Variants in PHKB observed in about 807,000 individuals in gnomAD.
PHKB encodes the protein phosphorylase kinase regulatory subunit beta, also known as phosphorylase b kinase regulatory subunit beta.
In PHKB, 122 loss-of-function variants were observed where a neutral mutation model predicts 152.1. The ratio of observed to expected loss-of-function variants is 0.80; its 90% CI spans 0.69 to 0.93. The LOEUF (loss-of-function observed/expected upper bound fraction) is 0.93. Ranked by LOEUF, PHKB falls within the 40% of genes least tolerant of loss-of-function variation. The pLI, the probability that PHKB is intolerant of heterozygous loss-of-function variation, is 0.00. For synonymous variants in PHKB, 436 were observed against 464.9 expected, an observed-to-expected ratio of 0.94 and a Z score of 0.80; for missense variants, 1,304 against 1,328.4, an observed-to-expected ratio of 0.98 and a Z score of 0.29.
chr16:47,626,806 A>G (rs540043533), intron 14 of PHKB, among the ~76,000 whole-genome samples: 1 of 152,310 alleles, frequency 6.6e-6, no homozygotes, highest in East Asian at 1.9e-4. Context: ...CATATAAAAT[A>G]GTTGTGCTGC....
At chr16:47,565,908 A>G in intron 7 of PHKB, 2 of 1,115,880 alleles carry the variant, frequency 1.8e-6, no homozygotes, top group Non-Finnish European at 1.3e-6. Flanking sequence ...CTTTAGATTC[A>G]GTTTGGGTCT....
At chr16:47,610,740 TGTTGGA>T in intron 13 of PHKB, 80 bp from the exon 14 acceptor site, 1 of 773,992 alleles carries the variant, frequency 1.3e-6, no homozygotes. Flanking sequence ...ATTCTTCTCT[TGTTGGA>T]GTATTTTCTA....
intron 14 of PHKB, among the ~76,000 whole-genome samples, chr16:47,617,380 G>A (rs2151712810): frequency 6.6e-6 from 1 of 151,702 alleles, no homozygotes; most frequent in Non-Finnish European, 1.5e-5. Context: ...TTGCCTCTAT[G>A]TATATGAAAA....
At chr16:47,526,034 C>T (rs967937792) in intron 6 of PHKB, among the ~76,000 whole-genome samples, 6 of 151,950 alleles carry the variant, frequency 3.9e-5, no homozygotes, top group African/African-American at 9.7e-5. Flanking sequence ...AGAGCTAATC[C>T]GGGAAGTGGT....
At chr16:47,536,138 G>A (rs890536067) in intron 6 of PHKB, among the ~76,000 whole-genome samples, 3 of 152,034 alleles carry the variant, frequency 2.0e-5, no homozygotes, top group South Asian at 2.1e-4. Flanking sequence ...AGCAACCTCC[G>A]GCTCCCGTGT....
At chr16:47,642,144 G>C (rs970406844) in intron 16 of PHKB, among the ~76,000 whole-genome samples, 1 of 151,322 alleles carries the variant, frequency 6.6e-6, no homozygotes, top group Non-Finnish European at 1.5e-5. Context: ...TTAGGTGTGA[G>C]AAGGTTTGTT....
At chr16:47,563,992 TTC>T (rs1597088735) in intron 7 of PHKB, among the ~76,000 whole-genome samples, 2 of 149,716 alleles carry the variant, frequency 1.3e-5, no homozygotes, top group African/African-American at 4.9e-5. Flanking sequence ...CATTATTTCA[TTC>T]TTTTTTTTTT....
At chr16:47,565,793 T>C in intron 7 of PHKB, 1 of 1,488,850 alleles carries the variant, frequency 6.7e-7, no homozygotes, top group African/African-American at 1.4e-5. Flanking sequence ...CTTCTCTTTC[T>C]CTAGCAGCTG....
chr16:47,585,182 G>T (rs781713370), intron 8 of PHKB, among the ~76,000 whole-genome samples: 7 of 152,188 alleles, frequency 4.6e-5, no homozygotes, highest in Non-Finnish European at 7.3e-5. Context: ...TTTAGGTGGA[G>T]TCAGGATATT....
intron 5 of PHKB, among the ~76,000 whole-genome samples, chr16:47,512,824 C>T (rs1248129294): frequency 6.6e-6 from 1 of 152,146 alleles, no homozygotes; most frequent in Non-Finnish European, 1.5e-5. Flanking sequence ...AACTATTCAT[C>T]TATTCCTTAC....
chr16:47,523,765 T>G (rs1026853755), intron 6 of PHKB, among the ~76,000 whole-genome samples: 7 of 152,204 alleles, frequency 4.6e-5, no homozygotes, highest in Non-Finnish European at 8.8e-5. Context: ...AACTGATTAT[T>G]TCCTTTATAT....
At chr16:47,548,477 C>A (rs906250737) in intron 7 of PHKB, among the ~76,000 whole-genome samples, 1 of 151,924 alleles carries the variant, frequency 6.6e-6, no homozygotes, top group South Asian at 2.1e-4. Flanking sequence ...CATGGTGGTG[C>A]GTGCCTGTAA....
chr16:47,666,852 T>C (rs1463009144), intron 25 of PHKB, among the ~76,000 whole-genome samples: 1 of 152,244 alleles, frequency 6.6e-6, no homozygotes, highest in Non-Finnish European at 1.5e-5. Flanking sequence ...GAATCATCCT[T>C]TGATTAGAAT....
intron 1 of PHKB, 134 bp from the exon 2 acceptor site, chr16:47,497,265 A>G (rs986269926): frequency 3.0e-6 from 2 of 658,462 alleles, no homozygotes; most frequent in Non-Finnish European, 2.7e-6. Flanking sequence ...AAGGTTTACA[A>G]GTAGTAAAGT....
chr16:47,491,839 G>T (rs557808219), intron 1 of PHKB, among the ~76,000 whole-genome samples: 1 of 152,166 alleles, frequency 6.6e-6, no homozygotes, highest in Non-Finnish European at 1.5e-5. Flanking sequence ...GCAAAATGGG[G>T]TATCTGGCGC....
rs563169802 is a variant in PHKB at position 47,502,118 on chromosome 16, C to T, written c.306-873C>T. 4.6e-5 allele frequency among the ~76,000 whole-genome samples: 7 copies of T among 152,168 alleles called. No individual in the cohort carries two copies. In the East Asian group the frequency reaches 1.4e-3, roughly 29 times the overall value. On this transcript the variant is annotated intron_variant, in intron 3 of 30. Transcript: ENST00000323584. ...TTAACTGGGAGGTAATTATAATATACTTTTTAAGGAGAGAAGTGATACTTT... is the reference window on the plus strand; with the variant it reads ...TTAACTGGGAGGTAATTATAATATATTTTTTAAGGAGAGAAGTGATACTTT...
At chr16:47,658,806 GAC>G (rs1482860978) in intron 20 of PHKB, among the ~76,000 whole-genome samples, 3 of 137,234 alleles carry the variant, frequency 2.2e-5, no homozygotes, top group African/African-American at 8.3e-5. Context: ...AGCAATGCAT[GAC>G]AGTGTGTGTG....
chr16:47,596,081 C>G lies in PHKB; in HGVS notation c.1205-292C>G, dbSNP rs999686121. ...TGGGGCCAGGTGGAGATAATTGAATCATGGGGGGCGGTTTCCCCCATACTG... is the reference window on the plus strand; with the variant it reads ...TGGGGCCAGGTGGAGATAATTGAATGATGGGGGGCGGTTTCCCCCATACTG... On this transcript the variant is annotated intron_variant, in intron 12 of 30. Transcript: ENST00000323584. Among the ~76,000 whole-genome samples, 5 of 152,140 alleles carry G rather than the reference C, an allele frequency of 3.3e-5. No homozygotes were observed. In the East Asian group the frequency reaches 9.6e-4, roughly 29 times the overall value.
chr16:47,666,285 T>C (rs1483041784), intron 25 of PHKB, among the ~76,000 whole-genome samples: 2 of 152,160 alleles, frequency 1.3e-5, no homozygotes, highest in Non-Finnish European at 1.5e-5. Context: ...TCAATGCAGA[T>C]GCTAATGTAG....
Sources: gnomAD v4.1 joint callset for allele counts (sites outside exome capture counted in the v4.1 genomes callset) on GRCh38, gnomAD v4.1.1 for gene constraint, MANE v1.5 for transcripts, NCBI Gene and HGNC (gene_info 2026-07-23, HGNC 2026-07-21) for gene names.